Variants in LRRC4C observed in about 807,000 individuals in gnomAD.
LRRC4C encodes leucine-rich repeat-containing protein 4C.
LRRC4C carries 5 observed loss-of-function variants against 33.6 expected under a neutral mutation model. The observed-to-expected ratio is 0.15, with a 90% CI of 0.08 to 0.31. The LOEUF is 0.31. Ranked by LOEUF, LRRC4C falls within the 10% of genes least tolerant of loss-of-function variation. LRRC4C has a pLI of 1.00. For missense variants in LRRC4C, 560 were observed against 796.7 expected (o/e 0.70, Z 3.58); for synonymous variants, 329 against 302.0 (o/e 1.09, Z -0.93).
At chr11:40,711,951 C>T (rs1946487270) in intron 2 of LRRC4C, among the ~76,000 whole-genome samples, 1 of 152,138 alleles carries the variant, frequency 6.6e-6, no homozygotes, top group Admixed American at 6.5e-5. Context: ...TTTAATGTTG[C>T]ATTAACATTT....
intron 3 of LRRC4C, among the ~76,000 whole-genome samples, chr11:40,519,834 C>A (rs1955734250): frequency 6.6e-6 from 1 of 152,212 alleles, no homozygotes. Context: ...CAAAGCGAAG[C>A]AGCAAGGCCT....
chr11:40,241,044 T>C (rs1865895234), intron 5 of LRRC4C, among the ~76,000 whole-genome samples: 1 of 152,176 alleles, frequency 6.6e-6, no homozygotes, highest in African/African-American at 2.4e-5. Flanking sequence ...TATGTTACTT[T>C]TATAAAAGCC....
At chr11:40,961,331 T>C (rs191592912) in intron 1 of LRRC4C, among the ~76,000 whole-genome samples, 10 of 151,684 alleles carry the variant, frequency 6.6e-5, no homozygotes, top group Admixed American at 2.6e-4. Flanking sequence ...GCCTGAAACA[T>C]TGAGGCTCCA....
At chr11:40,426,303 G>A (rs951197142) in intron 3 of LRRC4C, among the ~76,000 whole-genome samples, 5 of 151,850 alleles carry the variant, frequency 3.3e-5, no homozygotes, top group Middle Eastern at 3.2e-3. Context: ...GTGAGCCACC[G>A]CGCCTGGCCA....
At chr11:40,463,174 C>T (rs142536605) in intron 3 of LRRC4C, among the ~76,000 whole-genome samples, 68 of 152,142 alleles carry the variant, frequency 4.5e-4, no homozygotes, top group Non-Finnish European at 4.9e-4. Context: ...AAGAAAAACA[C>T]TTTTGATGAG....
At position 40,604,083 on chromosome 11, in the gene LRRC4C, A is replaced by G. The variant is rs377665914; in HGVS notation, c.-270+44059T>C. ...CATACAAACACATACAGATAGAAAG[A>G]AAGAGAAAGAAATATGCATCCAACC... is the stretch of plus-strand genomic sequence containing the variant. On this transcript the variant is annotated intron_variant, in intron 3 of 6. Transcript: ENST00000528697. Among the ~76,000 whole-genome samples, 444 of 152,302 alleles carry G rather than the reference A, an allele frequency of 2.9e-3. 1 individual carries two copies. Among genetic ancestry groups the G allele is most frequent in the African/African-American group, 0.01 (428 of 41,584 alleles).
chr11:40,750,620 C>G (rs1948642358), intron 2 of LRRC4C, among the ~76,000 whole-genome samples: 1 of 129,144 alleles, frequency 7.7e-6, no homozygotes, highest in South Asian at 2.4e-4. Flanking sequence ...CACATGGACA[C>G]AGGAAGAGGA....
chr11:40,206,376 C>T (rs1863151634), intron 5 of LRRC4C, among the ~76,000 whole-genome samples: 1 of 151,610 alleles, frequency 6.6e-6, no homozygotes, highest in Non-Finnish European at 1.5e-5. Context: ...CCTGGGATTA[C>T]AGGCACCTGC....
At chr11:40,305,019 C>T (rs536224728) in intron 4 of LRRC4C, among the ~76,000 whole-genome samples, 3 of 152,308 alleles carry the variant, frequency 2.0e-5, no homozygotes, top group Admixed American at 1.3e-4. Flanking sequence ...CCCTCCTTGG[C>T]CTCCCAAAGT....
intron 2 of LRRC4C, among the ~76,000 whole-genome samples, chr11:40,922,746 A>C (rs1957235990): frequency 6.6e-6 from 1 of 152,244 alleles, no homozygotes; most frequent in Admixed American, 6.5e-5. Flanking sequence ...TTTTGCAAAC[A>C]AATGCAAGGG....
chr11:40,533,694 G>A (rs11035898), intron 3 of LRRC4C, among the ~76,000 whole-genome samples: 13,389 of 151,964 alleles, frequency 0.088, 1,672 homozygotes, highest in African/African-American at 0.28. Context: ...CTATCTCAAC[G>A]TCAATCACAT....
chr11:40,552,344 G>A (rs913032950), intron 3 of LRRC4C, among the ~76,000 whole-genome samples: 1 of 152,154 alleles, frequency 6.6e-6, no homozygotes, highest in Admixed American at 6.5e-5. Flanking sequence ...CAACTGAGTG[G>A]GAATTCGAAC....
At chr11:40,447,441 A>G (rs925083704) in intron 3 of LRRC4C, among the ~76,000 whole-genome samples, 3 of 152,154 alleles carry the variant, frequency 2.0e-5, no homozygotes, top group Non-Finnish European at 2.9e-5. Flanking sequence ...ATTTATCTCA[A>G]CTAAATTGCC....
At chr11:40,238,704 C>T (rs1245108515) in intron 5 of LRRC4C, among the ~76,000 whole-genome samples, 4 of 152,062 alleles carry the variant, frequency 2.6e-5, no homozygotes, top group Admixed American at 2.6e-4. Context: ...AAAGAAGGAA[C>T]ATCTAATGTA....
At chr11:40,593,266 A>C (rs114765044) in intron 3 of LRRC4C, among the ~76,000 whole-genome samples, 2,832 of 152,320 alleles carry the variant, frequency 0.019, 87 homozygotes, top group African/African-American at 0.064. Flanking sequence ...ACCTTGACTT[A>C]AACAACTTTA....
rs1366100910 is a variant in LRRC4C at position 40,433,154 on chromosome 11, A to C, written c.-269-113433T>G. On this transcript the variant is annotated intron_variant, in intron 3 of 6. Transcript: ENST00000528697. Reference sequence around the variant, plus strand: ...ATTTTTGTAACTTTCTTTTTCACCTACTATGCAAATAGCATTTAGGTTATA... The same window carrying C: ...ATTTTTGTAACTTTCTTTTTCACCTCCTATGCAAATAGCATTTAGGTTATA... Among the ~76,000 whole-genome samples the C allele has an allele frequency of 3.9e-5, 6 of 152,156 alleles. No homozygotes were observed. The East Asian group carries it at 7.7e-4, about 20-fold the overall frequency.
rs1956679061 is a variant in LRRC4C, at chr11:40,911,391, TA to T, written c.-407+22243del. Among the ~76,000 whole-genome samples the T allele has an allele frequency of 5.3e-5, 8 of 152,100 alleles. No homozygotes were observed. In the South Asian group the frequency reaches 1.7e-3, roughly 32 times the overall value. The stretch of plus-strand genomic sequence containing the variant: ...GGCAGCAACATTTGCTGTTCACCAA[TA>T]TCCGCTGTTCTGCATCCTCTGACGC... On this transcript the variant is annotated intron_variant, in intron 2 of 6. Coordinates refer to ENST00000528697, the MANE Select transcript of LRRC4C (RefSeq NM_001258419.2).
chr11:41,091,541 C>T (rs1315227422), intron 1 of LRRC4C, among the ~76,000 whole-genome samples: 2 of 151,984 alleles, frequency 1.3e-5, no homozygotes, highest in Non-Finnish European at 2.9e-5. Flanking sequence ...TAGGGACATT[C>T]CTGCAAACTT....
At chr11:41,184,092 A>AT (rs1945577850) in intron 1 of LRRC4C, among the ~76,000 whole-genome samples, 1 of 151,526 alleles carries the variant, frequency 6.6e-6, no homozygotes, top group Admixed American at 6.6e-5. Context: ...CCACAAAACC[A>AT]TTTTTTCCTC....
Sources: allele counts gnomAD v4.1 joint callset (sites outside exome capture counted in the v4.1 genomes callset), GRCh38; gene constraint gnomAD v4.1.1; transcripts MANE v1.5; gene names NCBI Gene and HGNC (gene_info 2026-07-23, HGNC 2026-07-21).